Variants in DPRX observed in about 807,000 individuals in gnomAD.
DPRX encodes divergent paired-related homeobox.
A neutral mutation model predicts 8.4 loss-of-function variants in DPRX; 11 were observed. The observed-to-expected ratio is 1.31, with a 90% CI of 0.82 to 2.17. The LOEUF (loss-of-function observed/expected upper bound fraction) is 2.17. DPRX is among the 30% of genes most tolerant of loss of function. The pLI is 0.00. For missense variants in DPRX, 211 were observed against 236.7 expected (o/e 0.89, Z 0.71); for synonymous variants, 72 against 87.0 (o/e 0.83, Z 0.96).
chr19:53,616,719 A>C, the DPRX span: 15 of 1,180,402 alleles, frequency 1.3e-5, no homozygotes, highest in African/African-American at 1.8e-4. Flanking sequence ...GCACCATTGC[A>C]TTCCAGCCTG....
chr19:53,613,592 C>G, the DPRX span, among the ~76,000 whole-genome samples: 9 of 151,566 alleles, frequency 5.9e-5, no homozygotes, highest in African/African-American at 1.9e-4. Context: ...ACTCCTGACC[C>G]CAAGGGATCT....
intron 2 of DPRX, 105 bp downstream of exon 2, chr19:53,634,790 C>A: frequency 7.0e-7 from 1 of 1,437,276 alleles, no homozygotes. Flanking sequence ...CGCCAATATT[C>A]CCCAAACCCA....
At chr19:53,620,263 G>A in the DPRX span, among the ~76,000 whole-genome samples, 1 of 151,880 alleles carries the variant, frequency 6.6e-6, no homozygotes, top group Admixed American at 6.6e-5. Context: ...TAGAGACAGG[G>A]TTTCACCATG....
At chr19:53,608,032 G>C in the DPRX span, among the ~76,000 whole-genome samples, 2 of 149,322 alleles carry the variant, frequency 1.3e-5, no homozygotes, top group African/African-American at 4.9e-5. Flanking sequence ...AATTAGCCGA[G>C]CATGGTGGCA....
the DPRX span, among the ~76,000 whole-genome samples, chr19:53,613,634 ACAGGCATGAGC>A: frequency 1.3e-5 from 2 of 151,528 alleles, no homozygotes; most frequent in Admixed American, 6.6e-5. Flanking sequence ...TGCTGGGACT[ACAGGCATGAGC>A]CACCGCGCCT....
At chr19:53,625,643 C>T in the DPRX span, among the ~76,000 whole-genome samples, 1 of 145,238 alleles carries the variant, frequency 6.9e-6, no homozygotes, top group Admixed American at 6.9e-5. Context: ...CTCATAATTC[C>T]TTTTTTTTTT....
upstream of DPRX, among the ~76,000 whole-genome samples, chr19:53,628,641 G>A (rs2091079742): frequency 6.6e-6 from 1 of 151,772 alleles, no homozygotes; most frequent in Non-Finnish European, 1.5e-5. Context: ...CCGGGCAGGA[G>A]GGCAATGACA....
the DPRX span, among the ~76,000 whole-genome samples, chr19:53,612,999 G>A: frequency 6.6e-6 from 1 of 152,096 alleles, no homozygotes; most frequent in East Asian, 1.9e-4. Flanking sequence ...TGTTTACAGG[G>A]AAGATGGAGG....
chr19:53,636,767 C>A, exon 3 of DPRX: 1 of 1,614,178 alleles, frequency 6.2e-7, no homozygotes, highest in Non-Finnish European at 8.5e-7. Context: ...CCCGATCGGC[C>A]TGGTGTACAC....
the DPRX span, among the ~76,000 whole-genome samples, chr19:53,618,108 A>G: frequency 4.6e-5 from 7 of 150,718 alleles, no homozygotes; most frequent in Non-Finnish European, 1.0e-4. Flanking sequence ...CTGCCACTGC[A>G]CTCCAGCCTG....
the DPRX span, among the ~76,000 whole-genome samples, chr19:53,608,985 G>GA: frequency 8.6e-5 from 11 of 128,102 alleles, no homozygotes; most frequent in East Asian, 4.8e-4. Context: ...GGAAAGAAAA[G>GA]AAAGAAAGAG....
chr19:53,636,694 G>A (rs1191967208), exon 3 of DPRX: 1 of 1,613,850 alleles, frequency 6.2e-7, no homozygotes, highest in Non-Finnish European at 8.5e-7. Flanking sequence ...CAGAGGGTGG[G>A]GTCTCCACCA....
chr19:53,604,843 CAA>C, the DPRX span, among the ~76,000 whole-genome samples: 24 of 94,528 alleles, frequency 2.5e-4, no homozygotes, highest in African/African-American at 1.6e-4. Context: ...ACTCTGTCTC[CAA>C]AAAAAAAAAA....
the DPRX span, among the ~76,000 whole-genome samples, chr19:53,612,362 G>A: frequency 2.0e-5 from 3 of 151,662 alleles, no homozygotes; most frequent in Non-Finnish European, 4.4e-5. Flanking sequence ...ACAACAGAGT[G>A]AAACCGGTCT....
At chr19:53,605,265 T>TA in the DPRX span, among the ~76,000 whole-genome samples, 2 of 151,968 alleles carry the variant, frequency 1.3e-5, no homozygotes, top group African/African-American at 4.8e-5. Context: ...TTTTTTTTTT[T>TA]AAACAGGAAT....
chr19:53,632,197 C>CG, intron 1 of DPRX, 63 bp downstream of exon 1: 1 of 1,611,824 alleles, frequency 6.2e-7, no homozygotes. Flanking sequence ...CAGCTGGCGG[C>CG]GGGAAAAGGC....
At chr19:53,608,067 G>A in the DPRX span, among the ~76,000 whole-genome samples, 2 of 150,226 alleles carry the variant, frequency 1.3e-5, no homozygotes, top group African/African-American at 4.9e-5. Flanking sequence ...CAGCTACTCG[G>A]AGGCTGAGGC....
chr19:53,601,642 C>T, the DPRX span, among the ~76,000 whole-genome samples: 1,936 of 151,998 alleles, frequency 0.013, 23 homozygotes, highest in Middle Eastern at 0.024. Flanking sequence ...CCACCATGCC[C>T]GGCTAATTTT....
intron 1 of DPRX, 36 bp downstream of exon 1, chr19:53,632,170 C>A: frequency 6.2e-7 from 1 of 1,613,792 alleles, no homozygotes; most frequent in Non-Finnish European, 8.5e-7. Flanking sequence ...AGCAAAGACA[C>A]GTGAAGAAGT....
Sources: gnomAD v4.1 joint callset for allele counts (sites outside exome capture counted in the v4.1 genomes callset) on GRCh38, gnomAD v4.1.1 for gene constraint, MANE v1.5 for transcripts, NCBI Gene and HGNC (gene_info 2026-07-23, HGNC 2026-07-21) for gene names.